Variants in KCND2 observed in about 807,000 individuals in gnomAD.
KCND2 encodes the protein potassium voltage-gated channel subfamily D member 2.
KCND2 carries 16 observed loss-of-function variants against 54.4 expected under a neutral mutation model. That is an observed-to-expected ratio of 0.29 (90% CI 0.20 to 0.45). The LOEUF is 0.45. Among genes scored for constraint, KCND2 ranks in the 20% least tolerant of loss-of-function variants. The probability of loss-of-function intolerance (pLI) is 1.00; values close to 1 mark genes in which losing one functional copy is unlikely to be tolerated. For synonymous variants in KCND2, 317 were observed against 310.7 expected, an observed-to-expected ratio of 1.02 and a Z score of -0.21; for missense variants, 486 against 824.2, an observed-to-expected ratio of 0.59 and a Z score of 5.02.
chr7:120,531,859 C>T (rs1791847032), intron 1 of KCND2, among the ~76,000 whole-genome samples: 1 of 151,872 alleles, frequency 6.6e-6, no homozygotes, highest in Non-Finnish European at 1.5e-5. Flanking sequence ...TTCTCTTTTT[C>T]TTTCCAAGAA....
At chr7:120,626,585 C>G (rs1793166388) in intron 1 of KCND2, among the ~76,000 whole-genome samples, 1 of 152,060 alleles carries the variant, frequency 6.6e-6, no homozygotes, top group Admixed American at 6.6e-5. Flanking sequence ...AATGACACAT[C>G]TCTAGATCAG....
chr7:120,463,500 C>G (rs1184184846), intron 1 of KCND2, among the ~76,000 whole-genome samples: 1 of 151,898 alleles, frequency 6.6e-6, no homozygotes, highest in Non-Finnish European at 1.5e-5. Flanking sequence ...GTCACTGATT[C>G]TTTCACGTTT....
intron 2 of KCND2, among the ~76,000 whole-genome samples, chr7:120,737,058 ACACAC>A (rs1562924257): frequency 9.7e-5 from 14 of 144,948 alleles, no homozygotes; most frequent in African/African-American, 3.6e-4. Context: ...ACACACACAC[ACACAC>A]ACACACACAC....
intron 1 of KCND2, among the ~76,000 whole-genome samples, chr7:120,610,697 C>T (rs573558842): frequency 7.8e-4 from 118 of 152,178 alleles, no homozygotes; most frequent in African/African-American, 2.5e-3. Context: ...ATTATTCAAG[C>T]GGAAACTAAT....
chr7:120,696,466 A>C (rs1049189896), intron 1 of KCND2, among the ~76,000 whole-genome samples: 6 of 152,170 alleles, frequency 3.9e-5, no homozygotes, highest in African/African-American at 1.4e-4. Flanking sequence ...CCATGTTACA[A>C]AACTGTGTGA....
At chr7:120,597,406 A>C (rs764077507) in intron 1 of KCND2, among the ~76,000 whole-genome samples, 3 of 152,222 alleles carry the variant, frequency 2.0e-5, no homozygotes, top group Non-Finnish European at 2.9e-5. Context: ...TTTAAATAAA[A>C]GATTTCATGG....
Position 120,377,583 on chromosome 7 carries a change from G to A in KCND2, c.1115+101836G>A, listed in dbSNP as rs138204548. Among the ~76,000 whole-genome samples, 30 of 151,552 alleles carry A rather than the reference G, an allele frequency of 2.0e-4. No homozygotes were observed. In the East Asian group the frequency reaches 3.5e-3, roughly 18 times the overall value. ...CCCAAGAAAAAAAAAAGAGTATATA[G>A]TGTTAAGGTAACAGTTTAAGGAGTC... is the stretch of plus-strand genomic sequence containing the variant. On this transcript the variant is annotated intron_variant, in intron 1 of 5. Transcript: ENST00000331113.
chr7:120,592,371 G>A (rs967632610), intron 1 of KCND2, among the ~76,000 whole-genome samples: 1 of 152,058 alleles, frequency 6.6e-6, no homozygotes, highest in Non-Finnish European at 1.5e-5. Context: ...GTCCAATATG[G>A]TGACACCCCA....
intron 1 of KCND2, among the ~76,000 whole-genome samples, chr7:120,624,319 A>G (rs1385929593): frequency 6.6e-6 from 1 of 152,204 alleles, no homozygotes; most frequent in Non-Finnish European, 1.5e-5. Flanking sequence ...TACTAAAAGT[A>G]CACATTAATA....
chr7:120,360,292 C>T (rs1800575027), intron 1 of KCND2, among the ~76,000 whole-genome samples: 1 of 151,984 alleles, frequency 6.6e-6, no homozygotes, highest in Admixed American at 6.6e-5. Flanking sequence ...TATCAAGGAG[C>T]CTTAAAAGGT....
At chr7:120,486,081 T>TA (rs1262611087) in intron 1 of KCND2, among the ~76,000 whole-genome samples, 1 of 152,186 alleles carries the variant, frequency 6.6e-6, no homozygotes, top group Non-Finnish European at 1.5e-5. Context: ...TTGATTGCTA[T>TA]ATATATAATC....
intron 1 of KCND2, among the ~76,000 whole-genome samples, chr7:120,579,528 G>A (rs1343015567): frequency 6.6e-6 from 1 of 151,420 alleles, no homozygotes; most frequent in African/African-American, 2.4e-5. Context: ...CTTGAACCAG[G>A]GAGTCGAAGG....
At chr7:120,589,798 T>A (rs1792647460) in intron 1 of KCND2, among the ~76,000 whole-genome samples, 1 of 152,206 alleles carries the variant, frequency 6.6e-6, no homozygotes, top group Admixed American at 6.5e-5. Flanking sequence ...AACCTCACTA[T>A]GTCTCAGTTT....
intron 1 of KCND2, among the ~76,000 whole-genome samples, chr7:120,584,157 A>T (rs1481402137): frequency 3.3e-5 from 5 of 152,252 alleles, no homozygotes; most frequent in Admixed American, 3.3e-4. Context: ...CTGTAATAAT[A>T]TAAATATGCT....
intron 1 of KCND2, among the ~76,000 whole-genome samples, chr7:120,366,979 TGA>T (rs905501121): frequency 1.3e-5 from 2 of 152,088 alleles, no homozygotes; most frequent in Non-Finnish European, 2.9e-5. Flanking sequence ...ATAATATACA[TGA>T]GAGCACTTTA....
chr7:120,693,133 A>G (rs1792292332), intron 1 of KCND2, among the ~76,000 whole-genome samples: 1 of 152,194 alleles, frequency 6.6e-6, no homozygotes, highest in Non-Finnish European at 1.5e-5. Context: ...AGGAGTACCA[A>G]CATTCATGTA....
chr7:120,662,227 A>G (rs1051229507), intron 1 of KCND2, among the ~76,000 whole-genome samples: 2 of 152,152 alleles, frequency 1.3e-5, no homozygotes, highest in Non-Finnish European at 2.9e-5. Flanking sequence ...TGTCTACACA[A>G]TGTTTGCCAA....
intron 1 of KCND2, among the ~76,000 whole-genome samples, chr7:120,606,263 A>T (rs982585926): frequency 6.6e-6 from 1 of 152,150 alleles, no homozygotes; most frequent in Non-Finnish European, 1.5e-5. Context: ...ATATTGTTGT[A>T]TTGTAAGTGT....
intron 1 of KCND2, among the ~76,000 whole-genome samples, chr7:120,509,703 G>A (rs1036320598): frequency 6.6e-6 from 1 of 152,036 alleles, no homozygotes; most frequent in Non-Finnish European, 1.5e-5. Flanking sequence ...CAATAGTTTT[G>A]TGTTGTTTAC....
Sources: gnomAD v4.1 joint callset for allele counts (sites outside exome capture counted in the v4.1 genomes callset) on GRCh38, gnomAD v4.1.1 for gene constraint, MANE v1.5 for transcripts, NCBI Gene and HGNC (gene_info 2026-07-23, HGNC 2026-07-21) for gene names.